Variants in ADGRB1 observed in about 807,000 individuals in gnomAD.
ADGRB1 encodes adhesion G protein-coupled receptor B1.
A neutral mutation model predicts 175.7 loss-of-function variants in ADGRB1; 36 were observed. The observed-to-expected ratio is 0.20, with a 90% CI of 0.16 to 0.27. The LOEUF is 0.27. Ranked by LOEUF, ADGRB1 falls within the 10% of genes least tolerant of loss-of-function variation. The pLI, the probability that ADGRB1 is intolerant of heterozygous loss-of-function variation, is 1.00. For synonymous variants in ADGRB1, 1,054 were observed against 979.4 expected, an observed-to-expected ratio of 1.08 and a Z score of -1.42; for missense variants, 1,731 against 2,255.3, an observed-to-expected ratio of 0.77 and a Z score of 4.71.
At chr8:142,496,117 G>GA (rs1374428020) in intron 17 of ADGRB1, among the ~76,000 whole-genome samples, 34 of 143,220 alleles carry the variant, frequency 2.4e-4, no homozygotes, top group South Asian at 4.8e-4. Context: ...TGTATAGATG[G>GA]TAGATGGGTG....
intron 20 of ADGRB1, 110 bp downstream of exon 20, chr8:142,521,035 T>A: frequency 9.1e-7 from 1 of 1,097,254 alleles, no homozygotes; most frequent in Non-Finnish European, 1.3e-6. Context: ...GGCAGGCGGG[T>A]GTGGGGGCAG....
At position 142,526,815 on chromosome 8, in the gene ADGRB1, G is replaced by A. The variant is rs546139987; in HGVS notation, c.3398+188G>A. On this transcript the variant is annotated intron_variant, in intron 24 of 30. Transcript: ENST00000517894. ...GCTCAGCCAGCCCCTGCCTCTCACCGTGCCTCAGTTTCTCCATCTGACCTG... is the reference window on the plus strand; with the variant it reads ...GCTCAGCCAGCCCCTGCCTCTCACCATGCCTCAGTTTCTCCATCTGACCTG... Among the ~76,000 whole-genome samples the A allele has an allele frequency of 1.1e-4, 16 of 152,312 alleles. No individual in the cohort carries two copies. The East Asian group carries it at 2.5e-3, about 24-fold the overall frequency.
Position 142,460,062 on chromosome 8 carries a change from G to C in ADGRB1, c.-219-3918G>C, listed in dbSNP as rs1382671851. 2.6e-5 allele frequency among the ~76,000 whole-genome samples: 4 copies of C among 152,230 alleles called. 1 individual carries two copies. Among genetic ancestry groups the C allele is most frequent in the African/African-American group, 9.7e-5 (4 of 41,438 alleles). ...CATGTGACCTGGGCTGCAGTGCCCG[G>C]CTCGGGCCTGGCGTGGGGGGGACAG... On this transcript the variant is annotated intron_variant, in intron 1 of 30. Transcript: ENST00000517894.
chr8:142,461,419 A>G (rs143724694), intron 1 of ADGRB1, among the ~76,000 whole-genome samples: 4 of 152,342 alleles, frequency 2.6e-5, no homozygotes, highest in Non-Finnish European at 5.9e-5. Context: ...AGGCCTGCAC[A>G]GTCCACACGG....
At chr8:142,500,477 GC>G (rs1262341661) in intron 17 of ADGRB1, among the ~76,000 whole-genome samples, 2 of 150,484 alleles carry the variant, frequency 1.3e-5, no homozygotes, top group African/African-American at 4.9e-5. Flanking sequence ...CCTCGTGGGG[GC>G]GAGGGCATGT....
rs148217744 is a variant in ADGRB1 at position 142,470,998 on chromosome 8, G to A, written c.785-4476G>A. 4.1e-3 allele frequency among the ~76,000 whole-genome samples: 625 copies of A among 152,296 alleles called. 2 individuals carry two copies. The highest frequency in any genetic ancestry group is 0.014 in the African/African-American group (593 of 41,566). ...AAAGCCTGGGCTGGAATTTGGAGAG[G>A]AGTCAGGATTGGAGTGGAGTTTGGG... On this transcript the variant is annotated intron_variant, in intron 2 of 30. Coordinates refer to ENST00000517894, the MANE Select transcript of ADGRB1 (RefSeq NM_001702.3).
intron 25 of ADGRB1, among the ~76,000 whole-genome samples, chr8:142,534,763 C>A (rs1394698019): frequency 6.6e-6 from 1 of 152,214 alleles, no homozygotes; most frequent in Non-Finnish European, 1.5e-5. Flanking sequence ...GAAGGAGAAA[C>A]CTCAGTGGCC....
At chr8:142,452,413 C>T (rs932744598) in intron 1 of ADGRB1, among the ~76,000 whole-genome samples, 1 of 152,144 alleles carries the variant, frequency 6.6e-6, no homozygotes, top group African/African-American at 2.4e-5. Context: ...GCCTCGGCCT[C>T]AGGCAGCACT....
chr8:142,524,000 TC>T (rs1276910684), intron 22 of ADGRB1, among the ~76,000 whole-genome samples: 1 of 151,714 alleles, frequency 6.6e-6, no homozygotes, highest in Non-Finnish European at 1.5e-5. Flanking sequence ...AGCAGGTGGG[TC>T]CCCCCCTCTG....
rs1376461524 is a variant in ADGRB1, at chr8:142,533,483, C to T, written c.3570+17C>T. 1.3e-6 allele frequency: 2 copies of T among 1,577,676 alleles called. No individual in the cohort carries two copies. The highest frequency in any genetic ancestry group is 2.3e-5 in the East Asian group (1 of 44,126). On this transcript the variant is annotated intron_variant, in intron 25 of 30. Coordinates refer to ENST00000517894, the MANE Select transcript of ADGRB1 (RefSeq NM_001702.3). ...CGTAGAGAGGTGGGTGAGGCAGCCT[C>T]TGTCGGGCCGGGCTCCTGCGGGGTC...
At chr8:142,487,601 G>A (rs531028393) in intron 13 of ADGRB1, among the ~76,000 whole-genome samples, 1 of 152,280 alleles carries the variant, frequency 6.6e-6, no homozygotes, top group South Asian at 2.1e-4. Context: ...CTGAGGCCAC[G>A]GCCCCAGGGC....
chr8:142,510,789 C>T lies in ADGRB1; in HGVS notation c.2676-143C>T. The T allele has an allele frequency of 4.9e-6, 1 of 204,292 alleles. No individual in the cohort carries two copies. The highest frequency in any genetic ancestry group is 8.3e-6 in the Non-Finnish European group (1 of 119,920). The allele number at this position is 204,292 out of a possible 1,614,324, so 12.7% of individuals were successfully genotyped here. On this transcript the variant is annotated intron_variant, in intron 17 of 30. Coordinates refer to ENST00000517894, the MANE Select transcript of ADGRB1 (RefSeq NM_001702.3). The surrounding 1 kb of genome is among the most constrained non-coding windows in gnomAD (Gnocchi z 6.3). ...GGCCTGGCGGCGGCGGGCGGACGGG[C>T]GCGCGGCTGCGGGCGCAGGTGCGGG...
chr8:142,522,134 G>T lies in ADGRB1; in HGVS notation c.3175+19G>T. ...GGCTGGGGTGAGCCGCGGCCTTCCC[G>T]ACCCTCCTGGACAGATACCCTTCCT... On this transcript the variant is annotated intron_variant, in intron 21 of 30. Coordinates refer to ENST00000517894, the MANE Select transcript of ADGRB1 (RefSeq NM_001702.3). The T allele has an allele frequency of 6.2e-7, 1 of 1,600,384 alleles. No homozygotes were observed. The highest frequency in any genetic ancestry group is 8.5e-7 in the Non-Finnish European group (1 of 1,176,644).
chr8:142,460,889 C>T (rs546957618), intron 1 of ADGRB1, among the ~76,000 whole-genome samples: 2 of 152,314 alleles, frequency 1.3e-5, no homozygotes, highest in African/African-American at 4.8e-5. Flanking sequence ...GTGACCCCAG[C>T]ACTGCCAGGG....
At chr8:142,483,160 GCTGAGCCCTGACCCTGGTCACA>G (rs1268944964) in intron 11 of ADGRB1, among the ~76,000 whole-genome samples, 1,482 of 115,694 alleles carry the variant, frequency 0.013, 3 homozygotes, top group African/African-American at 0.019. Context: ...CTGGTCACAC[GCTGAGCCCTGACCCTGGTCACA>G]CTGAGCCCTG....
intron 2 of ADGRB1, among the ~76,000 whole-genome samples, chr8:142,466,463 G>T (rs529433829): frequency 5.9e-5 from 9 of 152,370 alleles, no homozygotes; most frequent in African/African-American, 2.2e-4. Flanking sequence ...GGACAGGCGT[G>T]AGGCTTGGCC....
chr8:142,479,156 T>C, intron 7 of ADGRB1, 167 bp from the exon 8 acceptor site: 1 of 700,782 alleles, frequency 1.4e-6, no homozygotes, highest in Admixed American at 3.9e-5. Context: ...TCTCCTCTCC[T>C]GGTCTGAATT....
In ADGRB1 at chr8:142,499,295, G is replaced by T. The variant is rs527627186; in HGVS notation, c.2675+8480G>T. On this transcript the variant is annotated intron_variant, in intron 17 of 30. Coordinates refer to ENST00000517894, the MANE Select transcript of ADGRB1 (RefSeq NM_001702.3). ...CCCCTCCTCTAGTCTTGGCTCCCGT[G>T]TCTTTAAAGCCAGGCTGCTGTGAGT... Among the ~76,000 whole-genome samples, 4 of 152,350 alleles carry T rather than the reference G, an allele frequency of 2.6e-5. No individual in the cohort carries two copies. In the South Asian group the frequency reaches 8.3e-4, roughly 32 times the overall value.
intron 2 of ADGRB1, among the ~76,000 whole-genome samples, chr8:142,469,731 A>T (rs1457554407): frequency 6.6e-6 from 1 of 150,996 alleles, no homozygotes; most frequent in Non-Finnish European, 1.5e-5. Flanking sequence ...ATGCACATGC[A>T]TGTGTGTGAA....
Sources: gnomAD v4.1 joint callset for allele counts (sites outside exome capture counted in the v4.1 genomes callset) on GRCh38, gnomAD v4.1.1 for gene constraint, Gnocchi (gnomAD v3.1) non-coding constraint, MANE v1.5 for transcripts, NCBI Gene and HGNC (gene_info 2026-07-23, HGNC 2026-07-21) for gene names.